The following PARP10 variants were observed in gnomAD, a reference collection of about 807,000 sequenced individuals.
PARP10 encodes poly(ADP-ribose) polymerase family member 10.
Under a neutral mutation model 82.4 loss-of-function variants are expected in PARP10, and 56 were observed. That is an observed-to-expected ratio of 0.68 (90% CI 0.55 to 0.85). The LOEUF (loss-of-function observed/expected upper bound fraction) is 0.85. PARP10 is among the 40% of genes least tolerant of loss of function. The probability of loss-of-function intolerance (pLI) is 0.00; values close to 1 mark genes in which losing one functional copy is unlikely to be tolerated. For synonymous variants in PARP10, 576 were observed against 601.1 expected, an observed-to-expected ratio of 0.96 and a Z score of 0.61; for missense variants, 1,227 against 1,379.4, an observed-to-expected ratio of 0.89 and a Z score of 1.75.
Position 143,982,936 on chromosome 8 carries a change from A to G in PARP10, c.2552T>C (p.Val851Ala). The G allele has an allele frequency of 6.2e-7, 1 of 1,613,630 alleles. No individual in the cohort carries two copies. Among genetic ancestry groups the G allele is most frequent in the Non-Finnish European group, 8.5e-7 (1 of 1,179,976 alleles). The change falls in exon 9 of 11, where the codon GTT becomes GCT. Residue 851 changes from valine to alanine, a missense_variant. Transcript: ENST00000313028. ...LDAARSSIRV[V>A]RVERVSHPLL... Reference sequence around the variant, plus strand: ...AGAGACAGGGCATGGACTCACACGAACGACGCGGATGCTGCTGCGGGCAGC... The same window carrying G: ...AGAGACAGGGCATGGACTCACACGAGCGACGCGGATGCTGCTGCGGGCAGC...
At chr8:143,991,317 T>C, upstream of PARP10, 1 of 1,379,838 alleles carries the variant, frequency 7.2e-7, no homozygotes, top group Non-Finnish European at 9.9e-7. Flanking sequence ...CATGCCCCCC[T>C]ATGCTCAGCC....
intron 7 of PARP10, 44 bp from the exon 8 acceptor site, chr8:143,983,855 A>G: frequency 6.5e-7 from 1 of 1,529,868 alleles, no homozygotes; most frequent in Admixed American, 2.1e-5. Context: ...TGGACCCAGG[A>G]GGAGTTGGAA....
rs781946810 is a variant in PARP10 at position 143,984,703 on chromosome 8, T to A, written c.1299A>T (p.Gly433=). 1.9e-6 allele frequency: 3 copies of A among 1,613,658 alleles called. No homozygotes were observed. The highest frequency in any genetic ancestry group is 3.3e-5 in the Admixed American group (2 of 59,988). Residue 433 remains glycine, a synonymous_variant, in exon 5 of 11, where the codon GGA becomes GGT. Transcript: ENST00000313028. ...SLEKAGPVSP[G]CVKLAGQEGL... Reference sequence around the variant, plus strand: ...CCTCCTGCCCTGCCAGCTTCACACATCCTGGGCTCACAGGCCCTGCCTTCT... The same window carrying A: ...CCTCCTGCCCTGCCAGCTTCACACAACCTGGGCTCACAGGCCCTGCCTTCT...
At chr8:143,990,130 G>A (rs1227179943), upstream of PARP10, 1 of 151,138 alleles carries the variant, frequency 6.6e-6, no homozygotes, top group Non-Finnish European at 1.5e-5. This position sits in a 1 kb window ranked among gnomAD's most constrained non-coding sequence, Gnocchi z 5.6. Flanking sequence ...GCGGGTGCGG[G>A]CGCATCGGCC....
chr8:143,991,583 C>G (rs782117732), upstream of PARP10: 97 of 1,589,422 alleles, frequency 6.1e-5, no homozygotes, highest in Non-Finnish European at 8.2e-5. Flanking sequence ...CACAGGTCTT[C>G]CCAGGACAAG....
chr8:143,993,001 A>G, upstream of PARP10: 1 of 637,720 alleles, frequency 1.6e-6, no homozygotes, highest in Non-Finnish European at 2.7e-6. Context: ...CACTGCAGAT[A>G]CTTCCATTTG....
rs891932066 is a variant in PARP10 at position 144,008,275 on chromosome 8, G to A, written c.-80+4255C>T. Among the ~76,000 whole-genome samples, 1 of 152,198 alleles carries A rather than the reference G, an allele frequency of 6.6e-6. No individual in the cohort carries two copies. The highest frequency in any genetic ancestry group is 1.5e-5 in the Non-Finnish European group (1 of 68,034). On this transcript the variant is annotated intron_variant, in intron 1 of 3. Coordinates refer to the PARP10 transcript ENST00000530478. The surrounding 1 kb of genome is among the most constrained non-coding windows in gnomAD (Gnocchi z 4.0). ...CAGGTGGATGGAACAGAGGGCTCCC[G>A]GCTGCAGGCCCCCATTCTTCGGCAA...
chr8:144,001,966 AG>A (rs1834206381), intron 1 of PARP10, among the ~76,000 whole-genome samples: 3 of 151,538 alleles, frequency 2.0e-5, no homozygotes, highest in African/African-American at 7.3e-5. Context: ...TAAATATCAA[AG>A]TTCTTACCCG....
chr8:144,012,337 T>A (rs187557304), intron 1 of PARP10: 1 of 610,298 alleles, frequency 1.6e-6, no homozygotes, highest in Non-Finnish European at 2.9e-6. Context: ...GAGCTGAGGG[T>A]GTTAGAGCAG....
rs1285618905 is a variant in PARP10, at chr8:144,011,248, C to G, written c.-80+1282G>C. Among the ~76,000 whole-genome samples, 2 of 152,050 alleles carry G rather than the reference C, an allele frequency of 1.3e-5. No homozygotes were observed. Among genetic ancestry groups the G allele is most frequent in the African/African-American group, 2.4e-5 (1 of 41,400 alleles). ...GTTGAAGGAAAGCCCAACAGAGACA[C>G]TCTATAAAGTTAGAGGGGTGACTGA... On this transcript the variant is annotated intron_variant, in intron 1 of 3. Coordinates refer to the PARP10 transcript ENST00000530478. The surrounding 1 kb of genome is among the most constrained non-coding windows in gnomAD (Gnocchi z 4.5).
In PARP10 at chr8:143,985,571, C is replaced by T. The variant is rs1554749115; in HGVS notation, c.514G>A (p.Ala172Thr). The T allele has an allele frequency of 6.2e-7, 1 of 1,614,050 alleles. No individual in the cohort carries two copies. Among genetic ancestry groups the T allele is most frequent in the Non-Finnish European group, 8.5e-7 (1 of 1,179,996 alleles). Residue 172 changes from alanine to threonine, a missense_variant, in exon 4 of 11, where the codon GCC becomes ACC. Ala to Thr is a moderately conservative substitution (Grantham distance 58). Transcript: ENST00000313028. ...TLVSLARVPQARAVRVVGDGA... is the reference protein window; with the variant it reads ...TLVSLARVPQTRAVRVVGDGA... ...TCCCCCACCACACGCACCGCTCGGG[C>T]CTGGGGAACCCGGGCCAGGGACACC...
intron 9 of PARP10, among the ~76,000 whole-genome samples, chr8:143,979,194 C>T (rs1008511942): frequency 8.6e-5 from 13 of 152,014 alleles, no homozygotes; most frequent in South Asian, 8.3e-4. Flanking sequence ...AGGATGGTCT[C>T]GATCTCCTGA....
At chr8:144,001,135 C>T (rs537208633) in intron 1 of PARP10, among the ~76,000 whole-genome samples, 4 of 151,694 alleles carry the variant, frequency 2.6e-5, no homozygotes, top group East Asian at 2.0e-4. Context: ...AGGATGGTCT[C>T]GATCTCCTGA....
chr8:143,986,101 C>T lies in PARP10; in HGVS notation c.135G>A (p.Trp45Ter). ...RRSGGGPVLS[W>*]QRLGCGGVLT... ...GGACGCCCCCACAGCCCAGTCTCTG[C>T]CAGCTCAACACAGGTCCCCCTCCAG... The change falls in exon 2 of 11, where the codon TGG becomes TGA. Residue 45 changes from tryptophan to a stop codon, truncating the protein, a stop_gained. Coordinates refer to ENST00000313028, the MANE Select transcript of PARP10 (RefSeq NM_032789.5). LOFTEE classifies it high-confidence loss of function. 1.9e-6 allele frequency: 3 copies of T among 1,614,062 alleles called. No individual in the cohort carries two copies. The highest frequency in any genetic ancestry group is 3.3e-4 in the Middle Eastern group (2 of 6,062).
At chr8:143,978,545 T>C (rs555714836) in intron 9 of PARP10, among the ~76,000 whole-genome samples, 6 of 152,268 alleles carry the variant, frequency 3.9e-5, no homozygotes, top group African/African-American at 1.2e-4. Flanking sequence ...AAGAACACCA[T>C]GTCTATTAAA....
chr8:143,986,000 G>A (rs782529032), intron 2 of PARP10, 25 bp from the exon 3 acceptor site: 4 of 1,600,928 alleles, frequency 2.5e-6, no homozygotes, highest in East Asian at 4.5e-5. Context: ...GGGGCAGGAT[G>A]TCAGGCATTA....
At chr8:143,992,162 TCTC>T, upstream of PARP10, 2 of 1,603,092 alleles carry the variant, frequency 1.2e-6, no homozygotes, top group South Asian at 1.1e-5. Context: ...TCACCGTGGT[TCTC>T]CTTGTGCTCA....
intron 4 of PARP10, 28 bp downstream of exon 4, chr8:143,985,384 T>C (rs1833962411): frequency 6.3e-7 from 1 of 1,595,822 alleles, no homozygotes; most frequent in South Asian, 1.1e-5. Flanking sequence ...AGAGGGACGG[T>C]CGGCTGGGTC....
At chr8:143,999,922 G>A (rs1482994564) in intron 1 of PARP10, among the ~76,000 whole-genome samples, 1 of 152,196 alleles carries the variant, frequency 6.6e-6, no homozygotes, top group Non-Finnish European at 1.5e-5. Flanking sequence ...ATAAGAGAAT[G>A]TGGGGAGTAG....
Sources: gnomAD v4.1 joint callset for allele counts (sites outside exome capture counted in the v4.1 genomes callset) on GRCh38, gnomAD v4.1.1 for gene constraint, Gnocchi (gnomAD v3.1) non-coding constraint, MANE v1.5 for transcripts, NCBI Gene and HGNC (gene_info 2026-07-23, HGNC 2026-07-21) for gene names.